The following CLVS1 variants were observed in gnomAD, a reference collection of about 807,000 sequenced individuals.
CLVS1 encodes clavesin 1, also known as clavesin-1.
A neutral mutation model predicts 33.1 loss-of-function variants in CLVS1; 10 were observed. The ratio of observed to expected loss-of-function variants is 0.30; its 90% CI spans 0.19 to 0.51. CLVS1 has a LOEUF of 0.51. Ranked by LOEUF, CLVS1 falls within the 20% of genes least tolerant of loss-of-function variation. The pLI is 0.97. For missense variants in CLVS1, 343 were observed against 433.4 expected, an observed-to-expected ratio of 0.79 and a Z score of 1.85; for synonymous variants, 163 against 166.1, an observed-to-expected ratio of 0.98 and a Z score of 0.14.
the CLVS1 span, among the ~76,000 whole-genome samples, chr8:60,982,762 A>G: frequency 6.6e-6 from 1 of 152,188 alleles, no homozygotes; most frequent in Non-Finnish European, 1.5e-5. Context: ...ATTACCCAAT[A>G]ACCAGTTACT....
At chr8:61,234,454 G>A (rs1440687248) in intron 2 of CLVS1, among the ~76,000 whole-genome samples, 11 of 152,182 alleles carry the variant, frequency 7.2e-5, no homozygotes, top group South Asian at 2.1e-4. Flanking sequence ...AGAAAGACAC[G>A]TCCTTTTTCT....
At chr8:60,995,967 T>A in the CLVS1 span, among the ~76,000 whole-genome samples, 2 of 151,534 alleles carry the variant, frequency 1.3e-5, no homozygotes, top group African/African-American at 4.9e-5. Flanking sequence ...AACAATGAGA[T>A]CACATGGACA....
intron 2 of CLVS1, among the ~76,000 whole-genome samples, chr8:61,269,048 T>C (rs1290550763): frequency 6.8e-6 from 1 of 148,068 alleles, no homozygotes; most frequent in Non-Finnish European, 1.5e-5. Flanking sequence ...AATTTTGTCT[T>C]TTGTTGCCAT....
chr8:61,102,853 AG>A (rs1276834592), intron 1 of CLVS1, among the ~76,000 whole-genome samples: 1 of 152,160 alleles, frequency 6.6e-6, no homozygotes, highest in Non-Finnish European at 1.5e-5. Flanking sequence ...TTGGAGGAGG[AG>A]GAGAAGGAAA....
At chr8:60,976,695 A>AT in the CLVS1 span, among the ~76,000 whole-genome samples, 1 of 152,274 alleles carries the variant, frequency 6.6e-6, no homozygotes, top group East Asian at 1.9e-4. Context: ...TGAGAGCTTG[A>AT]TAAAGAGACT....
intron 2 of CLVS1, among the ~76,000 whole-genome samples, chr8:61,265,059 C>T (rs957043408): frequency 6.6e-6 from 1 of 152,118 alleles, no homozygotes; most frequent in Non-Finnish European, 1.5e-5. Flanking sequence ...CTTGGGGTCC[C>T]ACAGGTCCAT....
chr8:61,176,586 T>C (rs908748024), intron 2 of CLVS1, among the ~76,000 whole-genome samples: 11 of 152,122 alleles, frequency 7.2e-5, no homozygotes, highest in African/African-American at 1.9e-4. Flanking sequence ...GAGGCTCACA[T>C]TGAAAAGAAT....
chr8:61,096,518 A>G (rs1214090596), intron 1 of CLVS1, among the ~76,000 whole-genome samples: 1 of 152,264 alleles, frequency 6.6e-6, no homozygotes, highest in East Asian at 1.9e-4. Context: ...CAGATTCTCT[A>G]AGACTCATAT....
chr8:61,134,042 T>C (rs1806147388), intron 2 of CLVS1, among the ~76,000 whole-genome samples: 1 of 152,128 alleles, frequency 6.6e-6, no homozygotes, highest in Admixed American at 6.5e-5. Flanking sequence ...ACCCAGTGCA[T>C]TTGAGATGTT....
At position 61,500,357 on chromosome 8, in the gene CLVS1, G is replaced by A. The variant is rs1804594239; in HGVS notation, c.*815G>A. ...AGTGATTAATGAATCCATTCCAGTTGCCTCAACTGGGTCACTACAGCAAAG... is the reference window on the plus strand; with the variant it reads ...AGTGATTAATGAATCCATTCCAGTTACCTCAACTGGGTCACTACAGCAAAG... On this transcript the variant is annotated 3_prime_UTR_variant, in exon 6 of 6. Coordinates refer to ENST00000325897, the MANE Select transcript of CLVS1 (RefSeq NM_173519.3). 6.6e-6 allele frequency: 1 copy of A among 152,132 alleles called. No homozygotes were observed. The highest frequency in any genetic ancestry group is 1.5e-5 in the Non-Finnish European group (1 of 68,032). The allele number at this position is 152,132 out of a possible 1,614,324, so 9.4% of individuals were successfully genotyped here. A position where few individuals can be genotyped will look rare whatever the true frequency, so the allele number is the denominator to read the frequency against.
At chr8:60,969,118 C>T in the CLVS1 span, among the ~76,000 whole-genome samples, 2 of 152,182 alleles carry the variant, frequency 1.3e-5, no homozygotes, top group African/African-American at 2.4e-5. Flanking sequence ...ACTCAGTGTA[C>T]AGCCTCTGTA....
At chr8:61,204,545 T>C (rs1585686627) in intron 2 of CLVS1, among the ~76,000 whole-genome samples, 1 of 152,358 alleles carries the variant, frequency 6.6e-6, no homozygotes, top group East Asian at 1.9e-4. Flanking sequence ...CCTGAAAATG[T>C]TAAATGTAGG....
intron 2 of CLVS1, among the ~76,000 whole-genome samples, chr8:61,208,844 C>A (rs1807914290): frequency 6.6e-6 from 1 of 152,184 alleles, no homozygotes; most frequent in African/African-American, 2.4e-5. Flanking sequence ...CCTCGGCCTC[C>A]CAAAGCACTG....
chr8:61,142,208 G>A (rs1019722194), intron 2 of CLVS1, among the ~76,000 whole-genome samples: 6 of 152,232 alleles, frequency 3.9e-5, no homozygotes, highest in Middle Eastern at 3.4e-3. Flanking sequence ...TGCTGTTCTC[G>A]TGATAGTGAG....
At chr8:61,237,323 C>G (rs969352384) in intron 2 of CLVS1, among the ~76,000 whole-genome samples, 3 of 152,174 alleles carry the variant, frequency 2.0e-5, no homozygotes, top group African/African-American at 7.2e-5. Context: ...TGGTACGTAC[C>G]TGTAGTCCCA....
At chr8:61,415,138 C>G (rs554688823) in intron 3 of CLVS1, among the ~76,000 whole-genome samples, 1 of 152,248 alleles carries the variant, frequency 6.6e-6, no homozygotes, top group Non-Finnish European at 1.5e-5. Context: ...ATTCTGAGAC[C>G]TTTTCCCCTC....
chr8:61,491,677 TC>T (rs2129608647), intron 5 of CLVS1, among the ~76,000 whole-genome samples: 1 of 152,300 alleles, frequency 6.6e-6, no homozygotes, highest in Non-Finnish European at 1.5e-5. Context: ...TCTTCAGGTG[TC>T]CTTAAAACTA....
At chr8:61,149,067 A>T (rs1199630875) in intron 2 of CLVS1, among the ~76,000 whole-genome samples, 8 of 151,924 alleles carry the variant, frequency 5.3e-5, no homozygotes, top group Non-Finnish European at 1.0e-4. Context: ...ATAAGTTGAA[A>T]TTTTTTTTGG....
chr8:61,299,001 A>T (rs1810326879), intron 1 of CLVS1, among the ~76,000 whole-genome samples: 1 of 152,100 alleles, frequency 6.6e-6, no homozygotes, highest in African/African-American at 2.4e-5. Flanking sequence ...GCAAATAATA[A>T]AGCCATTTGC....
Sources: gnomAD v4.1 joint callset for allele counts (sites outside exome capture counted in the v4.1 genomes callset) on GRCh38, gnomAD v4.1.1 for gene constraint, MANE v1.5 for transcripts, NCBI Gene and HGNC (gene_info 2026-07-23, HGNC 2026-07-21) for gene names.